The following DACH2 variants were observed in gnomAD, a reference collection of about 807,000 sequenced individuals.
DACH2 encodes the protein dachshund homolog 2.
A neutral mutation model predicts 35.8 loss-of-function variants in DACH2; 17 were observed. The observed-to-expected ratio is 0.48, with a 90% CI of 0.33 to 0.71. The LOEUF is 0.71. Ranked by LOEUF, DACH2 falls within the 30% of genes least tolerant of loss-of-function variation. The pLI, the probability that DACH2 is intolerant of heterozygous loss-of-function variation, is 0.02. For synonymous variants in DACH2, 195 were observed against 177.3 expected, an observed-to-expected ratio of 1.10 and a Z score of -0.79; for missense variants, 469 against 472.7, an observed-to-expected ratio of 0.99 and a Z score of 0.07.
intron 2 of DACH2, among the ~76,000 whole-genome samples, chrX:86,408,292 A>G (rs1268855959): frequency 1.8e-5 from 2 of 111,630 alleles, no homozygotes; most frequent in Non-Finnish European, 3.8e-5. Context: ...AGACACAAAG[A>G]TGCATGTGCC....
At chrX:86,299,433 T>C (rs60442265) in intron 1 of DACH2, among the ~76,000 whole-genome samples, 17,608 of 111,484 alleles carry the variant, frequency 0.16, 1,371 homozygotes, top group Admixed American at 0.27. Flanking sequence ...GCAGTGATTC[T>C]GACAGTGCTC....
At position 86,570,177 on chromosome X, in the gene DACH2, G is replaced by T. The variant is rs940754803; in HGVS notation, c.640+55786G>T. ...ATTCAACTATTGTGGAAGACTGTGT[G>T]GTGGTTCCTCAAAGATTTAGAACTG... On this transcript the variant is annotated intron_variant, in intron 3 of 11. Coordinates refer to ENST00000373125, the MANE Select transcript of DACH2 (RefSeq NM_053281.3). Among the ~76,000 whole-genome samples, 9 of 111,442 alleles carry T rather than the reference G, an allele frequency of 8.1e-5. No individual in the cohort carries two copies. The South Asian group carries it at 3.4e-3, about 42-fold the overall frequency.
chrX:86,675,099 A>G (rs1475534400), intron 4 of DACH2, among the ~76,000 whole-genome samples: 1 of 111,506 alleles, frequency 9.0e-6, no homozygotes, highest in Non-Finnish European at 1.9e-5. Flanking sequence ...ACCAAAGATA[A>G]GCACTCTCCA....
At chrX:86,589,269 G>T (rs1253533351) in intron 3 of DACH2, among the ~76,000 whole-genome samples, 1 of 110,028 alleles carries the variant, frequency 9.1e-6, no homozygotes, top group Non-Finnish European at 1.9e-5. Context: ...GAATTTTTGG[G>T]TCTCGATTTT....
chrX:86,188,803 C>A (rs992974914), intron 1 of DACH2, among the ~76,000 whole-genome samples: 20 of 112,147 alleles, frequency 1.8e-4, no homozygotes, highest in African/African-American at 5.2e-4. Context: ...CTTGTTGACA[C>A]CTTGAGTTTA....
At chrX:86,289,823 G>A (rs1326952807) in intron 1 of DACH2, among the ~76,000 whole-genome samples, 1 of 108,973 alleles carries the variant, frequency 9.2e-6, no homozygotes, top group African/African-American at 3.4e-5. Flanking sequence ...GTCTATCATT[G>A]TTGGACATTT....
At chrX:86,259,044 A>G (rs1360811791) in intron 1 of DACH2, among the ~76,000 whole-genome samples, 1 of 112,071 alleles carries the variant, frequency 8.9e-6, no homozygotes, top group African/African-American at 3.2e-5. Flanking sequence ...TTTAAAAATG[A>G]AATGCTTAAT....
intron 4 of DACH2, among the ~76,000 whole-genome samples, chrX:86,683,752 T>C (rs1472563018): frequency 4.5e-5 from 5 of 111,540 alleles, no homozygotes; most frequent in African/African-American, 1.6e-4. Flanking sequence ...ACTTATTTAG[T>C]GCTTGATATG....
intron 3 of DACH2, among the ~76,000 whole-genome samples, chrX:86,585,603 A>G (rs1484336497): frequency 1.8e-5 from 2 of 110,234 alleles, no homozygotes; most frequent in African/African-American, 6.6e-5. Flanking sequence ...ATTGTTCCCT[A>G]CTATGTGTCC....
intron 2 of DACH2, among the ~76,000 whole-genome samples, chrX:86,475,142 GATAGTTTTGGT>G (rs993769252): frequency 2.7e-5 from 3 of 111,245 alleles, no homozygotes; most frequent in African/African-American, 9.8e-5. Flanking sequence ...TTTTACTCGG[GATAGTTTTGGT>G]TATTCTGGGT....
At chrX:86,815,490 A>G (rs7060838) in intron 10 of DACH2, among the ~76,000 whole-genome samples, 35,539 of 108,257 alleles carry the variant, frequency 0.33, 4,841 homozygotes, top group Non-Finnish European at 0.42. Flanking sequence ...CCTGAACAGC[A>G]CAATCATAAA....
intron 1 of DACH2, among the ~76,000 whole-genome samples, chrX:86,283,895 T>C (rs201642370): frequency 1.6e-3 from 93 of 59,463 alleles, no homozygotes; most frequent in African/African-American, 5.5e-3. Context: ...CACACACACA[T>C]ACACACACAC....
At chrX:86,591,302 T>C (rs1758238928) in intron 3 of DACH2, among the ~76,000 whole-genome samples, 1 of 111,750 alleles carries the variant, frequency 8.9e-6, no homozygotes, top group Non-Finnish European at 1.9e-5. Flanking sequence ...TGTGTCTTTA[T>C]AGCAGCACGA....
At chrX:86,160,046 A>C (rs1021919637) in intron 1 of DACH2, among the ~76,000 whole-genome samples, 2 of 107,104 alleles carry the variant, frequency 1.9e-5, no homozygotes, top group African/African-American at 7.4e-5. Context: ...ACATGTAAAA[A>C]AAAAAACAAA....
At chrX:86,167,730 G>T (rs980538999) in intron 1 of DACH2, among the ~76,000 whole-genome samples, 13 of 110,178 alleles carry the variant, frequency 1.2e-4, no homozygotes, top group Non-Finnish European at 3.8e-5. Context: ...CCATAGTTTT[G>T]GTATTTTGTG....
chrX:86,831,046 A>G (rs1025646628), intron 11 of DACH2: 1 of 111,281 alleles, frequency 9.0e-6, no homozygotes, highest in Non-Finnish European at 1.9e-5. Context: ...AGTCTGACTA[A>G]CCCAAACCCC....
chrX:86,576,415 G>A (rs2148336252), intron 3 of DACH2, among the ~76,000 whole-genome samples: 2 of 111,484 alleles, frequency 1.8e-5, no homozygotes, highest in Middle Eastern at 4.6e-3. Flanking sequence ...GTTAAAATGT[G>A]TAGTCTTTCC....
chrX:86,288,889 G>A (rs1186640692), intron 1 of DACH2, among the ~76,000 whole-genome samples: 5 of 111,526 alleles, frequency 4.5e-5, no homozygotes, highest in Non-Finnish European at 7.5e-5. Flanking sequence ...CTGTGACAGA[G>A]CTGGTACCTA....
rs372860225 is a variant in DACH2, at chrX:86,151,038, A to G, written c.488+1930A>G. On this transcript the variant is annotated intron_variant, in intron 1 of 11. Transcript: ENST00000373125. The stretch of plus-strand genomic sequence containing the variant: ...ATTTGCACATTCTTGAGAAAAACCT[A>G]TGACCATGATTTTCAAATAAATAGA... 2.5e-4 allele frequency among the ~76,000 whole-genome samples: 28 copies of G among 111,260 alleles called. 2 individuals are homozygous for G. The East Asian group carries it at 3.9e-3, about 16-fold the overall frequency.
Sources: gnomAD v4.1 joint callset for allele counts (sites outside exome capture counted in the v4.1 genomes callset) on GRCh38, gnomAD v4.1.1 for gene constraint, MANE v1.5 for transcripts, NCBI Gene and HGNC (gene_info 2026-07-23, HGNC 2026-07-21) for gene names.